Variants in MICU1 observed in about 807,000 individuals in gnomAD.
MICU1 encodes mitochondrial calcium uptake 1.
In MICU1, 45 loss-of-function variants were observed where a neutral mutation model predicts 56.8. The observed-to-expected ratio is 0.79, with a 90% CI of 0.62 to 1.02. MICU1 has a LOEUF of 1.02. Ranked by LOEUF, MICU1 falls within the 50% of genes least tolerant of loss-of-function variation. The probability of loss-of-function intolerance (pLI) is 0.00; values close to 1 mark genes in which losing one functional copy is unlikely to be tolerated. For missense variants in MICU1, 504 were observed against 587.1 expected, an observed-to-expected ratio of 0.86 and a Z score of 1.46; for synonymous variants, 186 against 195.1, an observed-to-expected ratio of 0.95 and a Z score of 0.39.
intron 8 of MICU1, among the ~76,000 whole-genome samples, chr10:72,472,537 T>C (rs1865982873): frequency 6.6e-6 from 1 of 151,784 alleles, no homozygotes; most frequent in South Asian, 2.1e-4. Context: ...GAAGTTAGAA[T>C]AGGGAAGCTG....
chr10:72,605,563 A>G (rs570784954), intron 1 of MICU1, among the ~76,000 whole-genome samples: 8 of 152,314 alleles, frequency 5.3e-5, no homozygotes, highest in Middle Eastern at 6.8e-3. Context: ...TTGAATCCCA[A>G]CTGTGGGGTT....
intron 1 of MICU1, among the ~76,000 whole-genome samples, chr10:72,593,114 C>T (rs1297194026): frequency 6.6e-6 from 1 of 151,910 alleles, no homozygotes; most frequent in Non-Finnish European, 1.5e-5. Context: ...AATAAAAACA[C>T]TTAACTAGGA....
chr10:72,626,007 C>A lies in MICU1; in HGVS notation c.-2+3G>T. On this transcript the variant is annotated splice_donor_region_variant and intron_variant, in intron 1 of 11. Transcript: ENST00000361114. ...CTTATACCCTCCAGAGTCCAAGACT[C>A]ACGCGTCCAAACACGAGCTCCAGCA... is the stretch of plus-strand genomic sequence containing the variant. 6.5e-6 allele frequency: 1 copy of A among 152,936 alleles called. No individual in the cohort carries two copies. The highest frequency in any genetic ancestry group is 2.4e-5 in the African/African-American group (1 of 41,582). The allele number at this position is 152,936 out of a possible 1,614,324, so 9.5% of individuals were successfully genotyped here.
chr10:72,439,795 C>T (rs545724229), intron 8 of MICU1, among the ~76,000 whole-genome samples: 6 of 152,260 alleles, frequency 3.9e-5, no homozygotes, highest in African/African-American at 1.4e-4. Flanking sequence ...CTCCCATTCA[C>T]AATTGCTACA....
chr10:72,458,626 G>A (rs1404390427), intron 8 of MICU1, among the ~76,000 whole-genome samples: 1 of 151,888 alleles, frequency 6.6e-6, no homozygotes, highest in Non-Finnish European at 1.5e-5. Context: ...ATGCCAGGAA[G>A]TATAGGTCAA....
At chr10:72,611,651 G>GA (rs1275239555) in intron 1 of MICU1, among the ~76,000 whole-genome samples, 1 of 151,708 alleles carries the variant, frequency 6.6e-6, no homozygotes, top group Non-Finnish European at 1.5e-5. Context: ...AAGAAAGAAA[G>GA]AAAAAAACCC....
intron 11 of MICU1, among the ~76,000 whole-genome samples, chr10:72,373,567 A>C (rs1340527427): frequency 2.0e-5 from 3 of 152,220 alleles, no homozygotes; most frequent in African/African-American, 7.2e-5. Context: ...TTAAGAAAAT[A>C]AATCTCAGAG....
chr10:72,510,002 C>A (rs1867390785), intron 5 of MICU1, among the ~76,000 whole-genome samples: 1 of 151,958 alleles, frequency 6.6e-6, no homozygotes, highest in African/African-American at 2.4e-5. Flanking sequence ...CCATTACCAG[C>A]CATAACAATA....
At chr10:72,496,995 A>G (rs542600501) in intron 6 of MICU1, among the ~76,000 whole-genome samples, 6 of 152,310 alleles carry the variant, frequency 3.9e-5, no homozygotes, top group African/African-American at 1.4e-4. Flanking sequence ...ATTCAATGAC[A>G]ACCACTATTT....
At chr10:72,590,250 C>T (rs553992993) in intron 1 of MICU1, among the ~76,000 whole-genome samples, 3 of 152,010 alleles carry the variant, frequency 2.0e-5, no homozygotes, top group Admixed American at 6.5e-5. Context: ...AGAGAGCAGG[C>T]GTGGCTATAC....
At chr10:72,552,514 A>G (rs11000348) in intron 3 of MICU1, among the ~76,000 whole-genome samples, 89,962 of 152,026 alleles carry the variant, frequency 0.59, 27,893 homozygotes, top group Non-Finnish European at 0.68. Flanking sequence ...GCAATTTACC[A>G]ATGTTAAGAA....
At position 72,428,734 on chromosome 10, in the gene MICU1, C is replaced by T. The variant is rs372308494; in HGVS notation, c.934-5363G>A. 5.9e-5 allele frequency among the ~76,000 whole-genome samples: 9 copies of T among 152,162 alleles called. No individual in the cohort carries two copies. In the East Asian group the frequency reaches 1.5e-3, roughly 26 times the overall value. On this transcript the variant is annotated intron_variant, in intron 8 of 11. Coordinates refer to ENST00000361114, the MANE Select transcript of MICU1 (RefSeq NM_001195518.2). ...AAAGGTTAACCCTCCAGCCTGACAG[C>T]CAAAACCACGAAGATAATAAGATTA...
At chr10:72,529,554 C>T (rs1479225812) in intron 5 of MICU1, among the ~76,000 whole-genome samples, 1 of 151,904 alleles carries the variant, frequency 6.6e-6, no homozygotes, top group Non-Finnish European at 1.5e-5. Flanking sequence ...TATAAAAAAA[C>T]ATGGTGATGT....
chr10:72,486,860 TA>T (rs1229516475), intron 6 of MICU1, among the ~76,000 whole-genome samples: 3 of 151,826 alleles, frequency 2.0e-5, no homozygotes, highest in South Asian at 4.1e-4. Flanking sequence ...TGCGTGGATT[TA>T]AAAAAAAATT....
chr10:72,410,486 G>C (rs1176654713), intron 9 of MICU1, among the ~76,000 whole-genome samples: 1 of 152,168 alleles, frequency 6.6e-6, no homozygotes, highest in Non-Finnish European at 1.5e-5. Flanking sequence ...AGGCATGGTG[G>C]CAAATGCCTG....
chr10:72,509,741 C>G (rs1401206035), intron 5 of MICU1, among the ~76,000 whole-genome samples: 1 of 152,032 alleles, frequency 6.6e-6, no homozygotes, highest in Non-Finnish European at 1.5e-5. Context: ...TGAGTATAGT[C>G]CAGTATGTTA....
intron 5 of MICU1, chr10:72,509,445 G>C (rs1867369498): frequency 7.6e-7 from 1 of 1,310,962 alleles, no homozygotes; most frequent in South Asian, 1.2e-5. Flanking sequence ...AAAGAAAACT[G>C]GTTAACCAAC....
rs12217906 is a variant in MICU1, at chr10:72,368,632, T to C, written c.1271-277A>G. Among the ~76,000 whole-genome samples the C allele has an allele frequency of 0.057, 8,665 of 152,258 alleles. 653 individuals are homozygous for C. Among genetic ancestry groups the C allele is most frequent in the African/African-American group, 0.17 (7,226 of 41,526 alleles). On this transcript the variant is annotated intron_variant, in intron 11 of 11. Coordinates refer to ENST00000361114, the MANE Select transcript of MICU1 (RefSeq NM_001195518.2). Reference sequence around the variant, plus strand: ...TTAGAACAAGGAGATAAATGAGCTTTGTGCTTTGTCCCTGGAAATACTTCC... The same window carrying C: ...TTAGAACAAGGAGATAAATGAGCTTCGTGCTTTGTCCCTGGAAATACTTCC...
chr10:72,541,243 C>T (rs367617142), intron 4 of MICU1, among the ~76,000 whole-genome samples: 40 of 152,308 alleles, frequency 2.6e-4, no homozygotes, highest in East Asian at 2.5e-3. Context: ...CCTTGCTCAG[C>T]GACCAAAGCA....
Sources: gnomAD v4.1 joint callset for allele counts (sites outside exome capture counted in the v4.1 genomes callset) on GRCh38, gnomAD v4.1.1 for gene constraint, MANE v1.5 for transcripts, NCBI Gene and HGNC (gene_info 2026-07-23, HGNC 2026-07-21) for gene names.